Variants in KLF8 observed in about 807,000 individuals in gnomAD.
KLF8 encodes KLF transcription factor 8.
KLF8 carries 10 observed loss-of-function variants against 18.2 expected under a neutral mutation model. That is an observed-to-expected ratio of 0.55 (90% confidence interval 0.34 to 0.93). The LOEUF (loss-of-function observed/expected upper bound fraction) is 0.93, where lower values mean the gene tolerates loss of function less well. KLF8 is among the 40% of genes least tolerant of loss of function. The pLI, the probability that KLF8 is intolerant of heterozygous loss-of-function variation, is 0.02. For missense variants in KLF8, 264 were observed against 277.9 expected, an observed-to-expected ratio of 0.95 and a Z score of 0.36; for synonymous variants, 109 against 97.3, an observed-to-expected ratio of 1.12 and a Z score of -0.71.
chrX:56,239,920 C>T (rs1424609812), intron 1 of KLF8, among the ~76,000 whole-genome samples: 1 of 111,796 alleles, frequency 8.9e-6, no homozygotes, highest in Admixed American at 9.5e-5. Context: ...AAATAAAGTA[C>T]AGTATCTTCA....
At chrX:56,003,931 A>G in the KLF8 span, among the ~76,000 whole-genome samples, 1 of 112,488 alleles carries the variant, frequency 8.9e-6, no homozygotes, top group East Asian at 2.8e-4. Context: ...ACTTTGTACA[A>G]TTGACCTTGT....
chrX:56,072,645 C>A, the KLF8 span, among the ~76,000 whole-genome samples: 1 of 112,090 alleles, frequency 8.9e-6, no homozygotes, highest in African/African-American at 3.2e-5. Context: ...ACTTTATTAC[C>A]ACAAGAAGCT....
chrX:56,034,757 T>C, the KLF8 span, among the ~76,000 whole-genome samples: 1 of 65,218 alleles, frequency 1.5e-5, no homozygotes, highest in South Asian at 8.1e-4. Flanking sequence ...TCTTTTTTTT[T>C]TTTTTTTTTT....
At chrX:56,163,149 A>C in the KLF8 span, among the ~76,000 whole-genome samples, 16 of 111,954 alleles carry the variant, frequency 1.4e-4, no homozygotes, top group Admixed American at 8.6e-4. Flanking sequence ...TTCTGTCTTT[A>C]GGTCTTTGAG....
At chrX:56,275,662 T>C in intron 5 of KLF8, among the ~76,000 whole-genome samples, 1 of 112,358 alleles carries the variant, frequency 8.9e-6, no homozygotes, top group Non-Finnish European at 1.9e-5. Flanking sequence ...TGTTGAAGTA[T>C]GTTTCTCCTA....
At chrX:56,029,387 G>A in the KLF8 span, among the ~76,000 whole-genome samples, 1 of 111,483 alleles carries the variant, frequency 9.0e-6, no homozygotes, top group Non-Finnish European at 1.9e-5. Context: ...AGAAATTGAT[G>A]AGTCACTTTA....
At chrX:56,073,291 T>C in the KLF8 span, among the ~76,000 whole-genome samples, 8 of 112,540 alleles carry the variant, frequency 7.1e-5, no homozygotes, top group African/African-American at 2.6e-4. Context: ...CCGGCCAGCA[T>C]TATGTTTTTA....
chrX:56,233,287 G>A lies in KLF8; in HGVS notation c.-48G>A. ...ATCAGCTCAGGAGTATGAGCCTCCC[G>A]GAGGACGGCATGAGTTCTGGACACT... On this transcript the variant is annotated 5_prime_UTR_variant, in exon 1 of 6. Transcript: ENST00000468660. The A allele has an allele frequency of 1.7e-6, 2 of 1,205,503 alleles. No individual in the cohort carries two copies. The highest frequency in any genetic ancestry group is 2.2e-6 in the Non-Finnish European group (2 of 890,371).
At chrX:56,262,052 G>A (rs986736433) in intron 2 of KLF8, among the ~76,000 whole-genome samples, 2 of 112,066 alleles carry the variant, frequency 1.8e-5, no homozygotes, top group African/African-American at 6.5e-5. Flanking sequence ...GTGACACTAT[G>A]CTTTGAGGAA....
At chrX:56,214,600 C>G in the KLF8 span, among the ~76,000 whole-genome samples, 1 of 112,383 alleles carries the variant, frequency 8.9e-6, no homozygotes, top group Admixed American at 9.4e-5. Flanking sequence ...AGTTTGGACA[C>G]AGATACATGC....
chrX:56,079,236 G>A, the KLF8 span, among the ~76,000 whole-genome samples: 1 of 111,047 alleles, frequency 9.0e-6, no homozygotes, highest in Non-Finnish European at 1.9e-5. Flanking sequence ...TGGGATGTTA[G>A]GGTGTCAATT....
chrX:56,162,047 T>A, the KLF8 span, among the ~76,000 whole-genome samples: 1 of 111,997 alleles, frequency 8.9e-6, no homozygotes, highest in Admixed American at 9.5e-5. Flanking sequence ...CCAGACCCTG[T>A]TTGCCTGGGT....
chrX:56,063,843 C>G, the KLF8 span, among the ~76,000 whole-genome samples: 1 of 110,823 alleles, frequency 9.0e-6, no homozygotes, highest in African/African-American at 3.3e-5. Flanking sequence ...TTCAGAGATG[C>G]CCTGCCCAGA....
At chrX:56,184,591 G>A in the KLF8 span, among the ~76,000 whole-genome samples, 1 of 108,669 alleles carries the variant, frequency 9.2e-6, no homozygotes, top group African/African-American at 3.3e-5. Context: ...CCCTGACCCC[G>A]AACTCCTGAG....
chrX:55,958,199 A>G, the KLF8 span, among the ~76,000 whole-genome samples: 1 of 112,295 alleles, frequency 8.9e-6, no homozygotes, highest in Non-Finnish European at 1.9e-5. Context: ...ACAGACATGC[A>G]GTATGAATAG....
At chrX:56,058,283 T>TATACACATATATATAC in the KLF8 span, among the ~76,000 whole-genome samples, 3 of 32,756 alleles carry the variant, frequency 9.2e-5, no homozygotes, top group African/African-American at 3.2e-4. Flanking sequence ...TATATACATA[T>TATACACATATATATAC]ATATATATAT....
chrX:55,951,478 CAA>C, the KLF8 span, among the ~76,000 whole-genome samples: 10 of 39,846 alleles, frequency 2.5e-4, no homozygotes, highest in Admixed American at 3.3e-4. Flanking sequence ...AACTCCGTCT[CAA>C]AAAAAAAAAA....
At chrX:55,920,811 AT>A in the KLF8 span, among the ~76,000 whole-genome samples, 1 of 112,288 alleles carries the variant, frequency 8.9e-6, no homozygotes, top group Non-Finnish European at 1.9e-5. Context: ...GGTGTTCCTG[AT>A]GATGAAGAGA....
the KLF8 span, among the ~76,000 whole-genome samples, chrX:55,953,537 A>G: frequency 9.0e-6 from 1 of 111,061 alleles, no homozygotes; most frequent in Non-Finnish European, 1.9e-5. Context: ...ACAAACTTGT[A>G]AAGAATTTAG....
Sources: allele counts gnomAD v4.1 joint callset (sites outside exome capture counted in the v4.1 genomes callset), GRCh38; gene constraint gnomAD v4.1.1; transcripts MANE v1.5; gene names NCBI Gene and HGNC (gene_info 2026-07-23, HGNC 2026-07-21).